AGBL1: variants seen among roughly 807,000 people sequenced by gnomAD.
AGBL1 encodes the protein cytosolic carboxypeptidase 4.
A neutral mutation model predicts 118.9 loss-of-function variants in AGBL1; 130 were observed. The ratio of observed to expected loss-of-function variants is 1.09; its 90% CI spans 0.95 to 1.26. AGBL1 has a LOEUF of 1.26. Among genes scored for constraint, AGBL1 ranks in the 50% most tolerant of loss-of-function variants. The pLI is 0.00. For missense variants in AGBL1, 1,584 were observed against 1,298.1 expected (o/e 1.22, Z -3.38); for synonymous variants, 555 against 478.9 (o/e 1.16, Z -2.08).
At chr15:86,553,441 A>G (rs922137428) in intron 20 of AGBL1, among the ~76,000 whole-genome samples, 5 of 152,224 alleles carry the variant, frequency 3.3e-5, no homozygotes, top group African/African-American at 1.2e-4. Context: ...AAGGTGGAAC[A>G]TATGAACCCA....
chr15:86,363,684 T>A (rs553435603), intron 17 of AGBL1, among the ~76,000 whole-genome samples: 2 of 152,198 alleles, frequency 1.3e-5, no homozygotes, highest in African/African-American at 4.8e-5. Flanking sequence ...TAAACCTGTA[T>A]GCAAATGGCT....
At chr15:86,464,679 T>A (rs1162584585) in intron 18 of AGBL1, among the ~76,000 whole-genome samples, 1 of 152,176 alleles carries the variant, frequency 6.6e-6, no homozygotes, top group African/African-American at 2.4e-5. Context: ...AAGGTCTTTT[T>A]TGCATCTATT....
intron 24 of AGBL1, among the ~76,000 whole-genome samples, chr15:87,007,852 C>A (rs541269899): frequency 2.0e-3 from 310 of 152,218 alleles, no homozygotes; most frequent in Non-Finnish European, 3.7e-3. Flanking sequence ...TATTAAATAG[C>A]CTAATGTATA....
intron 6 of AGBL1, among the ~76,000 whole-genome samples, chr15:86,233,571 G>A (rs1435178822): frequency 6.6e-6 from 1 of 152,140 alleles, no homozygotes; most frequent in Non-Finnish European, 1.5e-5. Context: ...AATCAAGTTT[G>A]AAAACCTCTG....
intron 22 of AGBL1, among the ~76,000 whole-genome samples, chr15:86,892,507 A>G (rs908598348): frequency 6.6e-6 from 1 of 152,150 alleles, no homozygotes; most frequent in African/African-American, 2.4e-5. Context: ...CACATTTTCT[A>G]TGCCATGTGC....
intron 22 of AGBL1, among the ~76,000 whole-genome samples, chr15:86,738,287 A>C (rs2077629507): frequency 6.6e-6 from 1 of 152,218 alleles, no homozygotes; most frequent in Non-Finnish European, 1.5e-5. Context: ...TGAATGAGAA[A>C]AAATTGAAAG....
chr15:86,740,715 C>A (rs2077665201), intron 22 of AGBL1, among the ~76,000 whole-genome samples: 1 of 151,876 alleles, frequency 6.6e-6, no homozygotes, highest in Non-Finnish European at 1.5e-5. Flanking sequence ...TTGGACAGAT[C>A]AAGAAAAAGA....
chr15:86,524,798 C>T (rs1395835016), intron 19 of AGBL1, among the ~76,000 whole-genome samples: 1 of 152,252 alleles, frequency 6.6e-6, no homozygotes, highest in South Asian at 2.1e-4. Flanking sequence ...TCAGAGTGTG[C>T]AGGATTTGAA....
At position 86,100,792 on chromosome 15, in the gene AGBL1, G is replaced by A. The variant is rs191165053; in HGVS notation, c.51+20769G>A. 6.8e-4 allele frequency among the ~76,000 whole-genome samples: 104 copies of A among 151,892 alleles called. No homozygotes were observed. The East Asian group carries it at 9.9e-3, about 14-fold the overall frequency. On this transcript the variant is annotated intron_variant, in intron 1 of 22. Coordinates refer to ENST00000614907, the MANE Select transcript of AGBL1 (RefSeq NM_001386094.1). ...TGGTTAGTCTATCTAGCAGTTTGTC[G>A]ATTTTACTTATCTTTCAAAAAATGA...
intron 18 of AGBL1, among the ~76,000 whole-genome samples, chr15:86,462,345 C>G (rs546884409): frequency 2.0e-5 from 3 of 152,238 alleles, no homozygotes; most frequent in African/African-American, 7.2e-5. Context: ...TCAGCCCAAG[C>G]TCTCTCCTTT....
At chr15:86,445,894 A>G (rs1299264091) in intron 18 of AGBL1, among the ~76,000 whole-genome samples, 3 of 152,224 alleles carry the variant, frequency 2.0e-5, no homozygotes, top group Non-Finnish European at 2.9e-5. Flanking sequence ...CATATGGGAA[A>G]GGCCCTGTTA....
Position 86,795,904 on chromosome 15 carries a change from C to A in AGBL1, c.3159-111183C>A, listed in dbSNP as rs181723831. On this transcript the variant is annotated intron_variant, in intron 22 of 22. Transcript: ENST00000614907. ...CCTGGCCGGTTTCTGCTTGATCTTA[C>A]AGCCCAGAAGGCACACAATAAGAAA... 3.3e-5 allele frequency among the ~76,000 whole-genome samples: 5 copies of A among 151,626 alleles called. No individual in the cohort carries two copies. In the East Asian group the frequency reaches 9.9e-4, roughly 30 times the overall value.
Position 86,715,689 on chromosome 15 carries a change from A to AAG in AGBL1, c.3158+41255_3158+41256dup, listed in dbSNP as rs556402328. 2.6e-3 allele frequency among the ~76,000 whole-genome samples: 403 copies of AAG among 152,312 alleles called. 1 individual carries two copies. The highest frequency in any genetic ancestry group is 9.1e-3 in the African/African-American group (380 of 41,564). On this transcript the variant is annotated intron_variant, in intron 22 of 22. Coordinates refer to ENST00000614907, the MANE Select transcript of AGBL1 (RefSeq NM_001386094.1). ...AGGGATGGCTGTTGGAATTTAAAGA[A>AAG]AGAAAGAAAGATGAAGGAAAAGCAC...
chr15:86,778,294 A>C (rs1486060109), intron 22 of AGBL1, among the ~76,000 whole-genome samples: 1 of 152,126 alleles, frequency 6.6e-6, no homozygotes, highest in African/African-American at 2.4e-5. Flanking sequence ...TTGCTAATGA[A>C]GTTTCGGGCA....
At chr15:86,267,698 T>A (rs2079096309) in intron 13 of AGBL1, among the ~76,000 whole-genome samples, 2 of 152,194 alleles carry the variant, frequency 1.3e-5, no homozygotes, top group African/African-American at 4.8e-5. Flanking sequence ...AAAACACAAA[T>A]GAATTTTACT....
intron 22 of AGBL1, among the ~76,000 whole-genome samples, chr15:86,775,212 G>A (rs2141295738): frequency 6.6e-6 from 1 of 152,250 alleles, no homozygotes; most frequent in African/African-American, 2.4e-5. Context: ...AAGGCCTGTG[G>A]CGATAAACCA....
At chr15:86,829,504 A>C (rs1050149606) in intron 22 of AGBL1, among the ~76,000 whole-genome samples, 1 of 152,192 alleles carries the variant, frequency 6.6e-6, no homozygotes, top group Admixed American at 6.5e-5. Flanking sequence ...TTCACATGCC[A>C]GATTTCTGAA....
At chr15:86,392,798 G>T (rs112272939) in intron 17 of AGBL1, among the ~76,000 whole-genome samples, 1 of 151,978 alleles carries the variant, frequency 6.6e-6, no homozygotes, top group African/African-American at 2.4e-5. Context: ...TGACTCCCCC[G>T]TAGACTATGG....
At chr15:86,671,518 G>A (rs545575934) in intron 21 of AGBL1, among the ~76,000 whole-genome samples, 10 of 152,160 alleles carry the variant, frequency 6.6e-5, no homozygotes, top group Admixed American at 2.6e-4. Flanking sequence ...AAACAAATCC[G>A]GAGCCAGTTT....
Sources: gnomAD v4.1 joint callset for allele counts (sites outside exome capture counted in the v4.1 genomes callset) on GRCh38, gnomAD v4.1.1 for gene constraint, MANE v1.5 for transcripts, NCBI Gene and HGNC (gene_info 2026-07-23, HGNC 2026-07-21) for gene names.